The following SCN11A variants were observed in gnomAD, a reference collection of about 807,000 sequenced individuals.
SCN11A encodes sodium voltage-gated channel alpha subunit 11, also known as sodium channel protein type 11 subunit alpha.
Under a neutral mutation model 162.2 loss-of-function variants are expected in SCN11A, and 122 were observed. The ratio of observed to expected loss-of-function variants is 0.75; its 90% CI spans 0.65 to 0.87. The LOEUF is 0.87. Ranked by LOEUF, SCN11A falls within the 40% of genes least tolerant of loss-of-function variation. The pLI, the probability that SCN11A is intolerant of heterozygous loss-of-function variation, is 0.00. For synonymous variants in SCN11A, 758 were observed against 751.5 expected (o/e 1.01, Z -0.14); for missense variants, 2,015 against 2,181.6 (o/e 0.92, Z 1.52).
intron 2 of SCN11A, among the ~76,000 whole-genome samples, chr3:38,976,473 A>G (rs529369627): frequency 6.6e-6 from 1 of 152,200 alleles, no homozygotes. Flanking sequence ...GAAGTCAGCA[A>G]TGCTCCAAAA....
At chr3:38,882,785 T>C (rs1355560031) in intron 22 of SCN11A, among the ~76,000 whole-genome samples, 1 of 152,108 alleles carries the variant, frequency 6.6e-6, no homozygotes, top group Admixed American at 6.5e-5. Flanking sequence ...TGACAGAAAA[T>C]ACCAAGGCAA....
At chr3:38,944,355 G>A (rs953226160) in intron 7 of SCN11A, among the ~76,000 whole-genome samples, 4 of 150,398 alleles carry the variant, frequency 2.7e-5, no homozygotes, top group Non-Finnish European at 4.4e-5. Context: ...TTGAGACAGA[G>A]TCTCACTCTG....
intron 22 of SCN11A, among the ~76,000 whole-genome samples, chr3:38,882,078 C>T (rs1171027768): frequency 6.6e-6 from 1 of 151,998 alleles, no homozygotes; most frequent in Non-Finnish European, 1.5e-5. Flanking sequence ...AACCCTAGAC[C>T]CAAGATTAAC....
chr3:38,893,815 A>G (rs2065540257), intron 19 of SCN11A, among the ~76,000 whole-genome samples: 1 of 151,824 alleles, frequency 6.6e-6, no homozygotes. Flanking sequence ...AATAAAATAT[A>G]ATTAAATATA....
chr3:39,012,478 CTCTCTT>C (rs2031173392), intron 2 of SCN11A, among the ~76,000 whole-genome samples: 1 of 139,244 alleles, frequency 7.2e-6, no homozygotes, highest in African/African-American at 3.0e-5. Context: ...CTCTCTCTTT[CTCTCTT>C]TCTTTTTTTT....
At position 38,909,212 on chromosome 3, in the gene SCN11A, T is replaced by C. The variant is rs1246191159; in HGVS notation, c.1102-18A>G. On this transcript the variant is annotated intron_variant, in intron 12 of 29. Transcript: ENST00000302328. ...CGCAGGGTCTGCAAAGGACAGAGCA[T>C]GTTCTTGAATATCAAACCTTCTTCC... The C allele has an allele frequency of 1.9e-6, 3 of 1,612,010 alleles. No individual in the cohort carries two copies. The highest frequency in any genetic ancestry group is 4.5e-5 in the East Asian group (2 of 44,868).
rs367580453 is a variant in SCN11A at position 38,850,709 on chromosome 3, T to A, written c.4099A>T (p.Ile1367Phe). 6.2e-7 allele frequency: 1 copy of A among 1,613,302 alleles called. No individual in the cohort carries two copies. Among genetic ancestry groups the A allele is most frequent in the Non-Finnish European group, 8.5e-7 (1 of 1,179,556 alleles). Residue 1367 changes from isoleucine (I) to phenylalanine (F), a missense_variant, in exon 29 of 30, where the codon ATC becomes TTC. By Grantham distance (21) the Ile-to-Phe change is conservative. Transcript: ENST00000302328. ...AGACTTATGATGATGATGTCAAAGA[T>A]CTGGCTTGTGACTATGTCGAACACG... ...GLVFDIVTSQ[I>F]FDIIIISLII... is the part of the protein sequence containing the mutation.
At chr3:38,858,686 C>T (rs1351398665) in intron 28 of SCN11A, among the ~76,000 whole-genome samples, 1 of 152,124 alleles carries the variant, frequency 6.6e-6, no homozygotes, top group Non-Finnish European at 1.5e-5. Context: ...ACAGAACATT[C>T]TACCCAACAA....
At chr3:38,947,667 T>C (rs1174677519) in intron 5 of SCN11A, among the ~76,000 whole-genome samples, 1 of 152,122 alleles carries the variant, frequency 6.6e-6, no homozygotes, top group Non-Finnish European at 1.5e-5. Flanking sequence ...ACACTGAACC[T>C]CTGCCCATTT....
intron 23 of SCN11A, among the ~76,000 whole-genome samples, chr3:38,875,745 T>C (rs1046139568): frequency 6.6e-6 from 1 of 152,206 alleles, no homozygotes; most frequent in African/African-American, 2.4e-5. Context: ...CTCATGTTCA[T>C]GGATGGGTAG....
intron 2 of SCN11A, among the ~76,000 whole-genome samples, chr3:39,020,052 C>G (rs2031406684): frequency 6.6e-6 from 1 of 152,140 alleles, no homozygotes; most frequent in South Asian, 2.1e-4. Context: ...CTTTTTCTGA[C>G]TATATGATTT....
chr3:38,882,635 G>T (rs2065328201), intron 22 of SCN11A, among the ~76,000 whole-genome samples: 1 of 152,106 alleles, frequency 6.6e-6, no homozygotes, highest in African/African-American at 2.4e-5. Context: ...TGGAGAGAGA[G>T]CATAAAGGAG....
At chr3:38,855,103 C>T (rs1293884882) in intron 28 of SCN11A, among the ~76,000 whole-genome samples, 1 of 152,206 alleles carries the variant, frequency 6.6e-6, no homozygotes, top group Non-Finnish European at 1.5e-5. Flanking sequence ...CTTGCTTTGT[C>T]AGCAGGGAAG....
chr3:38,973,317 C>G (rs1228942260), intron 2 of SCN11A, among the ~76,000 whole-genome samples: 1 of 151,856 alleles, frequency 6.6e-6, no homozygotes, highest in African/African-American at 2.4e-5. Context: ...GGAGAAAAAG[C>G]TTTTTCACAA....
intron 7 of SCN11A, among the ~76,000 whole-genome samples, chr3:38,934,461 T>C (rs1325164603): frequency 2.0e-5 from 3 of 152,190 alleles, no homozygotes; most frequent in Non-Finnish European, 2.9e-5. Context: ...CCCATCAGTG[T>C]GCTGTATTCA....
intron 2 of SCN11A, among the ~76,000 whole-genome samples, chr3:38,980,863 T>C (rs545872420): frequency 1.3e-5 from 2 of 152,292 alleles, no homozygotes; most frequent in South Asian, 4.1e-4. Context: ...GAGATTTACT[T>C]ACTGGGGGTG....
At chr3:38,934,952 T>A (rs1461795535) in intron 7 of SCN11A, among the ~76,000 whole-genome samples, 2 of 151,248 alleles carry the variant, frequency 1.3e-5, no homozygotes, top group East Asian at 3.9e-4. Context: ...ACCACACCTA[T>A]TCCAAAATTG....
chr3:39,039,810 C>T (rs1575369983), intron 1 of SCN11A, among the ~76,000 whole-genome samples: 1 of 152,092 alleles, frequency 6.6e-6, no homozygotes, highest in South Asian at 2.1e-4. Context: ...GGAGACCCTG[C>T]CCCCTCCAGT....
At chr3:39,037,355 G>A (rs1575368934) in intron 1 of SCN11A, among the ~76,000 whole-genome samples, 1 of 152,122 alleles carries the variant, frequency 6.6e-6, no homozygotes, top group African/African-American at 2.4e-5. Context: ...CAGGGAAGTG[G>A]GTATCATTAA....
Sources: gnomAD v4.1 joint callset for allele counts (sites outside exome capture counted in the v4.1 genomes callset) on GRCh38, gnomAD v4.1.1 for gene constraint, MANE v1.5 for transcripts, NCBI Gene and HGNC (gene_info 2026-07-23, HGNC 2026-07-21) for gene names.